Variants in IMMP2L observed in about 807,000 individuals in gnomAD.
IMMP2L encodes the protein mitochondrial inner membrane protease subunit 2.
In IMMP2L, 18 loss-of-function variants were observed where a neutral mutation model predicts 19.3. The observed-to-expected ratio is 0.93, with a 90% CI of 0.64 to 1.38. The LOEUF (loss-of-function observed/expected upper bound fraction) is 1.38. Among genes scored for constraint, IMMP2L ranks in the 40% most tolerant of loss-of-function variants. The pLI is 0.00. For synonymous variants in IMMP2L, 76 were observed against 73.0 expected (o/e 1.04, Z -0.21); for missense variants, 233 against 218.2 (o/e 1.07, Z -0.43).
intron 5 of IMMP2L, among the ~76,000 whole-genome samples, chr7:110,812,975 T>C (rs946097327): frequency 3.9e-5 from 6 of 152,078 alleles, no homozygotes; most frequent in African/African-American, 1.2e-4. Flanking sequence ...GCATTTTTTA[T>C]GGCAACTAGT....
Position 111,216,663 on chromosome 7 carries a change from TG to T in IMMP2L, c.240-253099del, listed in dbSNP as rs374038877. 7.8e-4 allele frequency among the ~76,000 whole-genome samples: 119 copies of T among 152,300 alleles called. 3 individuals carry two copies. The East Asian group carries it at 0.017, about 22-fold the overall frequency. Reference sequence around the variant, plus strand: ...ATATTCCTCCTGTCTACCTGAATTTTGTACCCTTAAAGTGGAATTTTCAAAT... The same window carrying T: ...ATATTCCTCCTGTCTACCTGAATTTTTACCCTTAAAGTGGAATTTTCAAAT... On this transcript the variant is annotated intron_variant, in intron 3 of 5. Transcript: ENST00000405709.
At chr7:111,316,992 G>C (rs977917447) in intron 3 of IMMP2L, among the ~76,000 whole-genome samples, 27 of 151,754 alleles carry the variant, frequency 1.8e-4, no homozygotes, top group Admixed American at 1.4e-3. Flanking sequence ...TGGGATTACA[G>C]GCACGTGCAA....
At chr7:110,748,304 T>A (rs371077580) in intron 5 of IMMP2L, among the ~76,000 whole-genome samples, 1 of 152,126 alleles carries the variant, frequency 6.6e-6, no homozygotes, top group Admixed American at 6.6e-5. Context: ...ATCAATATCA[T>A]CAAAATGGCC....
At chr7:110,962,893 AT>A in intron 4 of IMMP2L, 1 of 1,361,034 alleles carries the variant, frequency 7.3e-7, no homozygotes, top group Non-Finnish European at 9.4e-7. Flanking sequence ...AGCGATCACA[AT>A]GAGACACATC....
chr7:111,405,080 C>G (rs776636788), intron 3 of IMMP2L, among the ~76,000 whole-genome samples: 3 of 152,034 alleles, frequency 2.0e-5, no homozygotes, highest in African/African-American at 4.8e-5. Flanking sequence ...TCTTTCTGAG[C>G]TAAGACATTA....
intron 3 of IMMP2L, among the ~76,000 whole-genome samples, chr7:110,978,423 G>C (rs1005968366): frequency 1.3e-5 from 2 of 151,904 alleles, no homozygotes; most frequent in African/African-American, 4.8e-5. Context: ...ACTGAGACCA[G>C]GACTATGATT....
At chr7:111,281,166 GAAAGAAAGA>G in intron 3 of IMMP2L, among the ~76,000 whole-genome samples, 1 of 31,082 alleles carries the variant, frequency 3.2e-5, no homozygotes, top group South Asian at 1.6e-3. Context: ...CAGAAAGAAA[GAAAGAAAGA>G]AAGAAAGAAA....
intron 4 of IMMP2L, among the ~76,000 whole-genome samples, chr7:110,926,976 T>C (rs1814925458): frequency 6.6e-6 from 1 of 152,168 alleles, no homozygotes; most frequent in Non-Finnish European, 1.5e-5. Flanking sequence ...TATAATTCCT[T>C]GCCCTTGAAT....
rs1021460508 is a variant in IMMP2L, at chr7:111,050,672, A to G, written c.240-87107T>C. On this transcript the variant is annotated intron_variant, in intron 3 of 5. Coordinates refer to ENST00000405709, the MANE Select transcript of IMMP2L (RefSeq NM_032549.4). ...AAAGTCTCCGTTTCGGGGTGACTCA[A>G]TGCAACTCTAATTGCTGCCTGTTTA... 7.7e-4 allele frequency among the ~76,000 whole-genome samples: 118 copies of G among 152,314 alleles called. 2 individuals are homozygous for G. The highest frequency in any genetic ancestry group is 4.8e-3 in the Admixed American group (73 of 15,302).
chr7:110,912,006 T>C (rs1813110299), intron 4 of IMMP2L, among the ~76,000 whole-genome samples: 1 of 152,158 alleles, frequency 6.6e-6, no homozygotes, highest in Admixed American at 6.6e-5. Flanking sequence ...TTTAAAAAAA[T>C]ATTGATCAGG....
intron 3 of IMMP2L, among the ~76,000 whole-genome samples, chr7:111,146,091 A>G (rs1012580930): frequency 3.3e-5 from 5 of 152,094 alleles, no homozygotes; most frequent in Admixed American, 2.6e-4. Flanking sequence ...GAGAAGTTGT[A>G]ATGTAATATA....
chr7:111,537,509 C>T lies in IMMP2L; in HGVS notation c.-2-16060G>A, dbSNP rs915694980. 2.0e-5 allele frequency among the ~76,000 whole-genome samples: 3 copies of T among 149,436 alleles called. No homozygotes were observed. The East Asian group carries it at 5.9e-4, about 29-fold the overall frequency. On this transcript the variant is annotated intron_variant, in intron 1 of 5. Coordinates refer to ENST00000405709, the MANE Select transcript of IMMP2L (RefSeq NM_032549.4). ...TATAAGGCTAATTATGATTAGATTC[C>T]TAGTCTCATCACTTCCACTTTTTTT...
chr7:111,280,649 A>C (rs1481317092), intron 3 of IMMP2L, among the ~76,000 whole-genome samples: 1 of 152,162 alleles, frequency 6.6e-6, no homozygotes, highest in Non-Finnish European at 1.5e-5. Flanking sequence ...CTAGGAAGTA[A>C]CGTACAGGAT....
At chr7:110,957,247 C>T (rs1432689074) in intron 4 of IMMP2L, among the ~76,000 whole-genome samples, 1 of 151,904 alleles carries the variant, frequency 6.6e-6, no homozygotes, top group Non-Finnish European at 1.5e-5. Context: ...TGAAAAAGTA[C>T]TCTGAAAGCC....
Position 110,791,814 on chromosome 7 carries a change from AAGG to A in IMMP2L, c.408+94776_408+94778del, listed in dbSNP as rs548100523. 9.2e-5 allele frequency among the ~76,000 whole-genome samples: 14 copies of A among 151,934 alleles called. No homozygotes were observed. The South Asian group carries it at 2.9e-3, about 31-fold the overall frequency. On this transcript the variant is annotated intron_variant, in intron 5 of 5. Coordinates refer to ENST00000405709, the MANE Select transcript of IMMP2L (RefSeq NM_032549.4). ...AATGTGTCCAGCAGACAGGAGCCAG[AAGG>A]ATGATCTGAGCACCATCATTTCCTT...
intron 3 of IMMP2L, among the ~76,000 whole-genome samples, chr7:111,108,989 T>C (rs188403952): frequency 2.6e-5 from 4 of 152,160 alleles, no homozygotes; most frequent in Non-Finnish European, 4.4e-5. Flanking sequence ...AAAGCTAACA[T>C]TCTAGTGGAG....
At chr7:111,242,459 T>A (rs1416282221) in intron 3 of IMMP2L, among the ~76,000 whole-genome samples, 2 of 152,064 alleles carry the variant, frequency 1.3e-5, no homozygotes, top group Non-Finnish European at 2.9e-5. Context: ...ATCACAACAC[T>A]TCACGATCCA....
intron 3 of IMMP2L, among the ~76,000 whole-genome samples, chr7:111,427,239 A>C (rs1042674949): frequency 2.6e-5 from 4 of 151,708 alleles, no homozygotes; most frequent in African/African-American, 9.7e-5. Flanking sequence ...GAGTTGGGCC[A>C]GAAGTTCAGA....
intron 5 of IMMP2L, among the ~76,000 whole-genome samples, chr7:110,838,017 G>A (rs940249339): frequency 1.3e-5 from 2 of 152,052 alleles, no homozygotes; most frequent in Admixed American, 6.6e-5. Flanking sequence ...ATGAATTGCG[G>A]GAATAACTAA....
Sources: gnomAD v4.1 joint callset for allele counts (sites outside exome capture counted in the v4.1 genomes callset) on GRCh38, gnomAD v4.1.1 for gene constraint, MANE v1.5 for transcripts, NCBI Gene and HGNC (gene_info 2026-07-23, HGNC 2026-07-21) for gene names.